The following NFASC variants were observed in gnomAD, a reference collection of about 807,000 sequenced individuals.
NFASC encodes the protein neurofascin, also known as neurofascin homolog.
In NFASC, 43 loss-of-function variants were observed where a neutral mutation model predicts 147.5. That is an observed-to-expected ratio of 0.29 (90% CI 0.23 to 0.38). NFASC has a LOEUF of 0.38. Ranked by LOEUF, NFASC falls within the 10% of genes least tolerant of loss-of-function variation. The probability of loss-of-function intolerance (pLI) is 1.00; values close to 1 mark genes in which losing one functional copy is unlikely to be tolerated. For missense variants in NFASC, 1,320 were observed against 1,689.0 expected (o/e 0.78, Z 3.83); for synonymous variants, 622 against 665.5 (o/e 0.93, Z 1.01).
chr1:204,839,655 C>T (rs1674735629), intron 1 of NFASC, among the ~76,000 whole-genome samples: 2 of 152,154 alleles, frequency 1.3e-5, no homozygotes, highest in South Asian at 4.1e-4. Flanking sequence ...GTAGGGCTGT[C>T]CTGAGCTCGC....
intron 1 of NFASC, among the ~76,000 whole-genome samples, chr1:204,898,418 T>C (rs1442555145): frequency 2.0e-5 from 3 of 152,196 alleles, no homozygotes; most frequent in African/African-American, 7.2e-5. Context: ...TTAGGAAATA[T>C]GGTATAAAAG....
chr1:204,942,698 C>T (rs2093440376), intron 2 of NFASC, among the ~76,000 whole-genome samples: 1 of 152,116 alleles, frequency 6.6e-6, no homozygotes. Flanking sequence ...GAAGCTGTTG[C>T]AGTAACTCTG....
chr1:205,012,703 G>A (rs779154267), intron 28 of NFASC, 94 bp from the exon 29 acceptor site: 16 of 903,420 alleles, frequency 1.8e-5, no homozygotes, highest in African/African-American at 1.1e-4. Context: ...AGCCCAGGGC[G>A]GTGCCTTCTG....
At chr1:205,008,026 G>A (rs1008990076) in intron 27 of NFASC, among the ~76,000 whole-genome samples, 5 of 152,094 alleles carry the variant, frequency 3.3e-5, no homozygotes, top group Non-Finnish European at 7.4e-5. Context: ...CCTTGTTCTC[G>A]CAGGCCTCAC....
intron 3 of NFASC, chr1:204,948,549 G>T (rs948840648): frequency 3.9e-6 from 2 of 517,284 alleles, no homozygotes; most frequent in African/African-American, 1.9e-5. Flanking sequence ...CAGCTGGCTC[G>T]CTCACCTCTC....
chr1:205,003,767 G>A (rs1461010830), intron 27 of NFASC, among the ~76,000 whole-genome samples: 1 of 152,202 alleles, frequency 6.6e-6, no homozygotes, highest in Non-Finnish European at 1.5e-5. Context: ...TCCTGCACCT[G>A]GCCTGGCGAG....
intron 2 of NFASC, among the ~76,000 whole-genome samples, chr1:204,937,471 C>A (rs1482071397): frequency 1.3e-5 from 2 of 152,186 alleles, no homozygotes; most frequent in African/African-American, 4.8e-5. Flanking sequence ...ATCCCTCAAC[C>A]TGCACCCCCA....
chr1:204,842,540 A>T (rs958840124), intron 1 of NFASC, among the ~76,000 whole-genome samples: 3 of 152,186 alleles, frequency 2.0e-5, no homozygotes, highest in African/African-American at 4.8e-5. Flanking sequence ...TCTGGTTGGA[A>T]TAGAAACTTC....
intron 27 of NFASC, 81 bp downstream of exon 27, chr1:205,002,829 C>A: frequency 8.6e-7 from 1 of 1,163,840 alleles, no homozygotes; most frequent in Non-Finnish European, 1.1e-6. Flanking sequence ...TTGCCTCTCT[C>A]CTCGGAAAGA....
chr1:205,016,546 C>A lies in NFASC; in HGVS notation c.*7C>A, dbSNP rs1362863715. 1 of 1,605,272 alleles carries A rather than the reference C, an allele frequency of 6.2e-7. No homozygotes were observed. The highest frequency in any genetic ancestry group is 1.1e-5 in the South Asian group (1 of 90,896). On this transcript the variant is annotated 3_prime_UTR_variant, in exon 30 of 30. Transcript: ENST00000339876. The surrounding 1 kb of genome is among the most constrained non-coding windows in gnomAD (Gnocchi z 5.1). The stretch of plus-strand genomic sequence containing the variant: ...TATCTACTCTCTGGCCTAACGGAGC[C>A]CACCCAGGCACAGCCACCACTTTGC...
At chr1:204,930,710 T>C (rs1213365794) in intron 2 of NFASC, among the ~76,000 whole-genome samples, 2 of 152,184 alleles carry the variant, frequency 1.3e-5, no homozygotes, top group African/African-American at 4.8e-5. Flanking sequence ...AGCAACCCTG[T>C]TGTGGAGGGG....
intron 29 of NFASC, among the ~76,000 whole-genome samples, chr1:205,014,901 C>T (rs1272155923): frequency 6.6e-6 from 1 of 152,176 alleles, no homozygotes; most frequent in Non-Finnish European, 1.5e-5. Context: ...CGATTTCCCT[C>T]CTCCAGTTGG....
At chr1:204,858,564 C>G (rs1043689155) in intron 1 of NFASC, among the ~76,000 whole-genome samples, 2 of 152,122 alleles carry the variant, frequency 1.3e-5, no homozygotes, top group Non-Finnish European at 2.9e-5. Flanking sequence ...TAATTTATTC[C>G]TGGATACTAG....
intron 1 of NFASC, among the ~76,000 whole-genome samples, chr1:204,913,232 T>C (rs2088151415): frequency 6.6e-6 from 1 of 152,174 alleles, no homozygotes; most frequent in African/African-American, 2.4e-5. Flanking sequence ...AAAATTCATA[T>C]CACATTCTTA....
intron 1 of NFASC, among the ~76,000 whole-genome samples, chr1:204,890,035 AGGTCTTTGTG>A (rs1394013611): frequency 6.6e-6 from 1 of 152,178 alleles, no homozygotes; most frequent in Admixed American, 6.5e-5. Context: ...GAGACCAAAA[AGGTCTTTGTG>A]GGCCTCCCCT....
intron 2 of NFASC, among the ~76,000 whole-genome samples, chr1:204,927,944 T>C (rs1250154054): frequency 1.3e-5 from 2 of 152,154 alleles, no homozygotes; most frequent in Non-Finnish European, 2.9e-5. Flanking sequence ...GGTTCTTGAA[T>C]TGTAGAGAGG....
intron 1 of NFASC, among the ~76,000 whole-genome samples, chr1:204,898,476 A>T (rs184773927): frequency 1.3e-5 from 2 of 152,266 alleles, no homozygotes; most frequent in Admixed American, 1.3e-4. Context: ...AATGAAGTAG[A>T]CCTCTCTCTG....
chr1:204,868,137 A>G (rs2077269064), intron 1 of NFASC, among the ~76,000 whole-genome samples: 1 of 152,192 alleles, frequency 6.6e-6, no homozygotes, highest in Non-Finnish European at 1.5e-5. Flanking sequence ...TGGACCCTTC[A>G]CTGCAGTAGT....
intron 1 of NFASC, among the ~76,000 whole-genome samples, chr1:204,865,320 T>C (rs1314116080): frequency 6.6e-6 from 1 of 152,188 alleles, no homozygotes; most frequent in African/African-American, 2.4e-5. Context: ...ATAAAAGTCA[T>C]GTGAATGTAG....
Sources: gnomAD v4.1 joint callset for allele counts (sites outside exome capture counted in the v4.1 genomes callset) on GRCh38, gnomAD v4.1.1 for gene constraint, Gnocchi (gnomAD v3.1) non-coding constraint, MANE v1.5 for transcripts, NCBI Gene and HGNC (gene_info 2026-07-23, HGNC 2026-07-21) for gene names.